Variants in CNTNAP2 observed in about 807,000 individuals in gnomAD.
CNTNAP2 encodes the protein contactin-associated protein-like 2.
CNTNAP2 carries 98 observed loss-of-function variants against 155.2 expected under a neutral mutation model. That is an observed-to-expected ratio of 0.63 (90% confidence interval 0.54 to 0.75). The LOEUF (loss-of-function observed/expected upper bound fraction) is 0.75. Ranked by LOEUF, CNTNAP2 falls within the 30% of genes least tolerant of loss-of-function variation. The probability of loss-of-function intolerance (pLI) is 0.00; values close to 1 mark genes in which losing one functional copy is unlikely to be tolerated. For missense variants in CNTNAP2, 1,727 were observed against 1,688.1 expected (o/e 1.02, Z -0.40); for synonymous variants, 651 against 631.2 (o/e 1.03, Z -0.47).
At chr7:146,622,938 C>A (rs1215745338) in intron 1 of CNTNAP2, among the ~76,000 whole-genome samples, 3 of 135,190 alleles carry the variant, frequency 2.2e-5, no homozygotes, top group African/African-American at 5.6e-5. Context: ...GCCTGGACAA[C>A]AGAGCGAGAC....
chr7:147,694,218 G>A (rs923722477), intron 13 of CNTNAP2, among the ~76,000 whole-genome samples: 1 of 151,944 alleles, frequency 6.6e-6, no homozygotes, highest in African/African-American at 2.4e-5. Context: ...GTTGTTCATA[G>A]TATACAGTTC....
chr7:147,401,681 G>T (rs1475157629), intron 10 of CNTNAP2, among the ~76,000 whole-genome samples: 1 of 152,136 alleles, frequency 6.6e-6, no homozygotes, highest in East Asian at 1.9e-4. Context: ...GATCATGGGG[G>T]TGGATTTCCC....
At chr7:146,486,046 CTTTTTTTTTTTTTTTTT>C (rs71175651) in intron 1 of CNTNAP2, among the ~76,000 whole-genome samples, 26 of 42,608 alleles carry the variant, frequency 6.1e-4, no homozygotes, top group East Asian at 1.6e-3. Flanking sequence ...CCACAGCAGT[CTTTTTTTTTTTTTTTTT>C]TTTTTTTTTT....
At chr7:146,964,790 TC>T (rs113029004) in intron 3 of CNTNAP2, among the ~76,000 whole-genome samples, 5,963 of 152,204 alleles carry the variant, frequency 0.039, 139 homozygotes, top group South Asian at 0.076. Flanking sequence ...GTCTCTATAT[TC>T]AAATCTGCCC....
At chr7:147,832,550 T>TTATATTGAAATATATTATATTGAAA (rs1798567805) in intron 13 of CNTNAP2, among the ~76,000 whole-genome samples, 1 of 141,624 alleles carries the variant, frequency 7.1e-6, no homozygotes, top group Non-Finnish European at 1.5e-5. Context: ...TTTCAATATA[T>TTATATTGAAATATATTATATTGAAA]TATATTGAAA....
At chr7:147,617,482 A>C (rs971850359) in intron 12 of CNTNAP2, among the ~76,000 whole-genome samples, 9 of 152,184 alleles carry the variant, frequency 5.9e-5, no homozygotes, top group African/African-American at 2.2e-4. Context: ...TTTTTATGTA[A>C]TAGGCTATAC....
At chr7:147,376,372 G>C (rs1796433937) in intron 9 of CNTNAP2, among the ~76,000 whole-genome samples, 1 of 151,890 alleles carries the variant, frequency 6.6e-6, no homozygotes, top group African/African-American at 2.4e-5. Flanking sequence ...GAGGGACCTA[G>C]CATTTGGAGT....
intron 1 of CNTNAP2, among the ~76,000 whole-genome samples, chr7:146,194,777 A>G (rs71530725): frequency 0.11 from 16,791 of 152,226 alleles, 1,228 homozygotes; most frequent in Non-Finnish European, 0.17. Context: ...TAATGATTCT[A>G]AAATATGCTT....
intron 13 of CNTNAP2, among the ~76,000 whole-genome samples, chr7:147,727,265 G>A (rs985423933): frequency 1.3e-5 from 2 of 151,906 alleles, no homozygotes; most frequent in Non-Finnish European, 2.9e-5. Flanking sequence ...TTACATAAAT[G>A]TGTGTTACTG....
At chr7:146,378,536 G>T (rs550647880) in intron 1 of CNTNAP2, among the ~76,000 whole-genome samples, 21 of 152,042 alleles carry the variant, frequency 1.4e-4, no homozygotes, top group Non-Finnish European at 2.5e-4. Context: ...TACTGCTATG[G>T]TTATGTTAGA....
intron 13 of CNTNAP2, among the ~76,000 whole-genome samples, chr7:147,703,580 A>C (rs1272773132): frequency 1.3e-5 from 2 of 152,162 alleles, no homozygotes; most frequent in Admixed American, 1.3e-4. Flanking sequence ...TGATTTTTGG[A>C]TACATAATAG....
chr7:147,804,776 A>G (rs1302793716), intron 13 of CNTNAP2, among the ~76,000 whole-genome samples: 2 of 151,374 alleles, frequency 1.3e-5, no homozygotes, highest in Non-Finnish European at 2.9e-5. Flanking sequence ...CTGGTCTCAA[A>G]CTCCTGACCT....
intron 16 of CNTNAP2, among the ~76,000 whole-genome samples, chr7:148,122,855 C>CA (rs1226178688): frequency 3.5e-4 from 48 of 136,984 alleles, no homozygotes; most frequent in Admixed American, 1.7e-3. Flanking sequence ...GAATACATCT[C>CA]AAAAAAAAAA....
intron 7 of CNTNAP2, among the ~76,000 whole-genome samples, chr7:147,130,603 A>C (rs1801333196): frequency 6.6e-6 from 1 of 152,226 alleles, no homozygotes; most frequent in Non-Finnish European, 1.5e-5. Context: ...AGAAAATCTT[A>C]GATGGGATAG....
intron 11 of CNTNAP2, among the ~76,000 whole-genome samples, chr7:147,561,580 C>G (rs1413639425): frequency 1.3e-5 from 2 of 152,012 alleles, no homozygotes; most frequent in Non-Finnish European, 2.9e-5. Context: ...GCACCTGGAA[C>G]AAATAAAATG....
intron 3 of CNTNAP2, among the ~76,000 whole-genome samples, chr7:146,948,501 T>C (rs1188258349): frequency 1.3e-5 from 2 of 152,174 alleles, no homozygotes; most frequent in Non-Finnish European, 2.9e-5. Flanking sequence ...TTAATGTTAG[T>C]CTGACAAAAA....
intron 9 of CNTNAP2, among the ~76,000 whole-genome samples, chr7:147,366,810 C>CAT (rs749107071): frequency 1.1e-5 from 1 of 90,396 alleles, no homozygotes; most frequent in Non-Finnish European, 2.9e-5. Context: ...CACACACACA[C>CAT]ACCCCAATGT....
intron 12 of CNTNAP2, among the ~76,000 whole-genome samples, chr7:147,587,969 T>A (rs938050263): frequency 6.6e-6 from 1 of 152,166 alleles, no homozygotes; most frequent in African/African-American, 2.4e-5. Context: ...TTTGCTTTCC[T>A]GAGCCTTTGT....
chr7:147,687,577 A>C (rs1796031130), intron 13 of CNTNAP2, among the ~76,000 whole-genome samples: 1 of 152,178 alleles, frequency 6.6e-6, no homozygotes, highest in African/African-American at 2.4e-5. Flanking sequence ...TTTAAGGGTC[A>C]TGAAGACCAT....
Sources: gnomAD v4.1 joint callset for allele counts (sites outside exome capture counted in the v4.1 genomes callset) on GRCh38, gnomAD v4.1.1 for gene constraint, MANE v1.5 for transcripts, NCBI Gene and HGNC (gene_info 2026-07-23, HGNC 2026-07-21) for gene names.